The following TEAD2 variants were observed in gnomAD, a reference collection of about 807,000 sequenced individuals.
TEAD2 encodes TEA domain transcription factor 2, also known as transcriptional enhancer factor TEF-4.
In TEAD2, 51 loss-of-function variants were observed where a neutral mutation model predicts 61.4. The ratio of observed to expected loss-of-function variants is 0.83; its 90% CI spans 0.66 to 1.05. The LOEUF is 1.05. Ranked by LOEUF, TEAD2 falls within the 50% of genes least tolerant of loss-of-function variation. The pLI, the probability that TEAD2 is intolerant of heterozygous loss-of-function variation, is 0.00. For missense variants in TEAD2, 509 were observed against 600.0 expected (o/e 0.85, Z 1.58); for synonymous variants, 244 against 243.2 (o/e 1.00, Z -0.03).
chr19:49,360,379 C>G, intron 1 of TEAD2: 1 of 432,350 alleles, frequency 2.3e-6, no homozygotes, highest in Admixed American at 3.9e-5. Flanking sequence ...GAGGCCTGGA[C>G]TCCTGGGTGT....
chr19:49,357,219 T>C, intron 4 of TEAD2, 33 bp downstream of exon 4: 1 of 1,235,010 alleles, frequency 8.1e-7, no homozygotes, highest in Non-Finnish European at 1.1e-6. Context: ...CCAGTCTCTG[T>C]CCCCCTCTCA....
rs113350132 is a variant in TEAD2, at chr19:49,355,021, G to GCATACATACATACATA, written c.539+111_539+126dup. On this transcript the variant is annotated intron_variant, in intron 7 of 12. Coordinates refer to ENST00000593945, the MANE Select transcript of TEAD2 (RefSeq NM_001256660.2). ...CATGTCAATAAATACATACATACAT[G>GCATACATACATACATA]CATACATACATACATACATACATAC... 1,637 of 630,480 alleles carry GCATACATACATACATA rather than the reference G, an allele frequency of 2.6e-3. 1 individual carries two copies. The highest frequency in any genetic ancestry group is 5.4e-3 in the East Asian group (192 of 35,292). 39.1% of individuals were successfully genotyped at this position (630,480 alleles called of 1,614,324 possible). A position where few individuals can be genotyped will look rare whatever the true frequency, so the allele number is the denominator to read the frequency against.
At chr19:49,345,200 A>AAAGCTCCAGAACCGTGAACAGC (rs1971553179) in intron 10 of TEAD2, among the ~76,000 whole-genome samples, 1 of 152,118 alleles carries the variant, frequency 6.6e-6, no homozygotes, top group Non-Finnish European at 1.5e-5. Flanking sequence ...CACATGGCAG[A>AAAGCTCCAGAACCGTGAACAGC]AAGCTCCAGA....
intron 7 of TEAD2, among the ~76,000 whole-genome samples, chr19:49,352,062 T>C (rs1183757538): frequency 1.9e-5 from 2 of 106,208 alleles, no homozygotes; most frequent in East Asian, 6.2e-4. Flanking sequence ...ACAAGGAATT[T>C]GGAGGAAGAA....
chr19:49,352,871 T>C (rs1972113476), intron 7 of TEAD2, among the ~76,000 whole-genome samples: 1 of 151,888 alleles, frequency 6.6e-6, no homozygotes, highest in Non-Finnish European at 1.5e-5. Flanking sequence ...GTTTATATGT[T>C]TATTGTCTGT....
In TEAD2 at chr19:49,347,442, C is replaced by T. The variant is rs182591500; in HGVS notation, c.748-79G>A. On this transcript the variant is annotated intron_variant, in intron 9 of 12. Transcript: ENST00000593945. ...TGTGCTGCCTGAGCCCACCAAATGC[C>T]GTCACCATCCCCACAGCTCTGGCCA... 1,211 of 1,508,520 alleles carry T rather than the reference C, an allele frequency of 8.0e-4. 17 individuals are homozygous for T. The highest frequency in any genetic ancestry group is 7.2e-3 in the African/African-American group (530 of 73,268). The allele number at this position is 1,508,520 out of a possible 1,614,324, so 93.4% of individuals were successfully genotyped here.
At position 49,360,065 on chromosome 19, in the gene TEAD2, GGTTCCCCCA is replaced by G. The variant is rs1972725821; in HGVS notation, c.2_10del (p.MetGlyGluPro1_?4). On this transcript the variant is annotated start_lost and inframe_deletion, in exon 2 of 13. Transcript: ENST00000593945. ...ATCGTCCAGGGCGGCCCCAGCCCGGGGTTCCCCCATCTGGGCCTGGAGGAACACAGAACT... is the reference window on the plus strand; with the variant it reads ...ATCGTCCAGGGCGGCCCCAGCCCGGGTCTGGGCCTGGAGGAACACAGAACT... The G allele has an allele frequency of 1.9e-6, 3 of 1,605,422 alleles. No homozygotes were observed. The highest frequency in any genetic ancestry group is 2.5e-6 in the Non-Finnish European group (3 of 1,179,638).
chr19:49,345,533 T>C (rs1168878960), intron 10 of TEAD2, among the ~76,000 whole-genome samples: 1 of 152,046 alleles, frequency 6.6e-6, no homozygotes, highest in Non-Finnish European at 1.5e-5. Flanking sequence ...TTTTCATTTT[T>C]TGTAGAGTTG....
Position 49,353,399 on chromosome 19 carries a change from T to A in TEAD2, c.539+1749A>T, listed in dbSNP as rs544175501. On this transcript the variant is annotated intron_variant, in intron 7 of 12. Coordinates refer to ENST00000593945, the MANE Select transcript of TEAD2 (RefSeq NM_001256660.2). ...CAGATGCGGGCCACCATGCCGGGCC[T>A]CCCACTCCCATTCTTCACCTGGCTA... 6.6e-5 allele frequency among the ~76,000 whole-genome samples: 10 copies of A among 151,866 alleles called. No individual in the cohort carries two copies. In the East Asian group the frequency reaches 1.7e-3, roughly 26 times the overall value.
At chr19:49,345,066 T>C (rs897127746) in intron 10 of TEAD2, among the ~76,000 whole-genome samples, 1 of 152,154 alleles carries the variant, frequency 6.6e-6, no homozygotes, top group African/African-American at 2.4e-5. Flanking sequence ...CTGAACCCCT[T>C]CAGCAGCTGG....
intron 3 of TEAD2, among the ~76,000 whole-genome samples, chr19:49,358,106 C>T (rs1436000906): frequency 3.3e-5 from 5 of 152,136 alleles, no homozygotes; most frequent in East Asian, 1.9e-4. Context: ...TGGTGGTGCG[C>T]GCCTGTAGTC....
chr19:49,342,702 G>T, intron 11 of TEAD2, 112 bp from the exon 12 acceptor site: 6 of 1,349,694 alleles, frequency 4.4e-6, no homozygotes, highest in Non-Finnish European at 6.2e-6. Flanking sequence ...CACTCTCACT[G>T]CCACCTTCCT....
intron 7 of TEAD2, 121 bp from the exon 8 acceptor site, chr19:49,351,486 G>A: frequency 1.2e-6 from 1 of 860,590 alleles, no homozygotes; most frequent in East Asian, 2.7e-5. Flanking sequence ...TCTCACTGAA[G>A]CCTCACAGTG....
intron 3 of TEAD2, among the ~76,000 whole-genome samples, chr19:49,358,306 T>C (rs1270297344): frequency 6.6e-6 from 1 of 152,072 alleles, no homozygotes; most frequent in Non-Finnish European, 1.5e-5. Context: ...TCCCAGATAC[T>C]TGGAAGGCTG....
intron 10 of TEAD2, among the ~76,000 whole-genome samples, chr19:49,343,845 TC>T: frequency 8.4e-6 from 1 of 119,186 alleles, no homozygotes; most frequent in Non-Finnish European, 1.8e-5. Context: ...TGTTTGTTTG[TC>T]TTTTTTTTTG....
At position 49,355,360 on chromosome 19, in the gene TEAD2, G is replaced by A. The variant is rs763521501; in HGVS notation, c.432C>T (p.Leu144=). The change falls in exon 6 of 13, where the codon CTC becomes CTT. Residue 144 remains leucine (L), a synonymous_variant. Coordinates refer to ENST00000593945, the MANE Select transcript of TEAD2 (RefSeq NM_001256660.2). ...TGGCCTGCAGAGAAGGCGCGGAGATGAGCTGGGCAGAGGACATGGTTGCCA... is the reference window on the plus strand; with the variant it reads ...TGGCCTGCAGAGAAGGCGCGGAGATAAGCTGGGCAGAGGACATGGTTGCCA... ...QTMATMSSAQ[L]ISAPSLQAKL... is the part of the protein sequence containing the mutation. 6 of 1,614,098 alleles carry A rather than the reference G, an allele frequency of 3.7e-6. No individual in the cohort carries two copies. The highest frequency in any genetic ancestry group is 5.1e-6 in the Non-Finnish European group (6 of 1,180,054).
chr19:49,340,684 T>C lies in TEAD2; in HGVS notation c.*640A>G, dbSNP rs1971202917. ...GGAAACCGTCTAGCTCAGGGCTCAC[T>C]TAGGAGAGGGATGAGATTAGAAAGT... On this transcript the variant is annotated 3_prime_UTR_variant, in exon 13 of 13. Coordinates refer to ENST00000593945, the MANE Select transcript of TEAD2 (RefSeq NM_001256660.2). 2.3e-6 allele frequency: 1 copy of C among 434,898 alleles called. No individual in the cohort carries two copies. Among genetic ancestry groups the C allele is most frequent in the Non-Finnish European group, 4.3e-6 (1 of 234,464 alleles). 26.9% of individuals were successfully genotyped at this position (434,898 alleles called of 1,614,324 possible). A position where few individuals can be genotyped will look rare whatever the true frequency, so the allele number is the denominator to read the frequency against.
chr19:49,355,823 C>T, intron 5 of TEAD2, 136 bp downstream of exon 5: 1 of 791,060 alleles, frequency 1.3e-6, no homozygotes, highest in Non-Finnish European at 1.8e-6. Flanking sequence ...AAGACCCTGT[C>T]TCCAAAAAGA....
At position 49,341,252 on chromosome 19, in the gene TEAD2, C is replaced by T; in HGVS notation, c.*72G>A. ...CACAGCCCTCTCCCCAAATAAGAAG[C>T]ATGAGGTGAGCTGGAGGACCCTCCC... On this transcript the variant is annotated 3_prime_UTR_variant, in exon 13 of 13. Coordinates refer to ENST00000593945, the MANE Select transcript of TEAD2 (RefSeq NM_001256660.2). This position sits in a 1 kb window ranked among gnomAD's most constrained non-coding sequence, Gnocchi z 4.2. 7.9e-7 allele frequency: 1 copy of T among 1,266,132 alleles called. No individual in the cohort carries two copies. The highest frequency in any genetic ancestry group is 1.2e-6 in the Non-Finnish European group (1 of 868,564). 78.4% of individuals were successfully genotyped at this position (1,266,132 alleles called of 1,614,324 possible). A position where few individuals can be genotyped will look rare whatever the true frequency, so the allele number is the denominator to read the frequency against.
Sources: allele counts gnomAD v4.1 joint callset (sites outside exome capture counted in the v4.1 genomes callset), GRCh38; gene constraint gnomAD v4.1.1; non-coding constraint Gnocchi (gnomAD v3.1); transcripts MANE v1.5; gene names NCBI Gene and HGNC (gene_info 2026-07-23, HGNC 2026-07-21).